PDZRN4: variants seen among roughly 807,000 people sequenced by gnomAD.
PDZRN4 encodes the protein PDZ domain-containing RING finger protein 4.
In PDZRN4, 70 loss-of-function variants were observed where a neutral mutation model predicts 99.0. The ratio of observed to expected loss-of-function variants is 0.71; its 90% CI spans 0.58 to 0.86. PDZRN4 has a LOEUF of 0.86. Ranked by LOEUF, PDZRN4 falls within the 40% of genes least tolerant of loss-of-function variation. The probability of loss-of-function intolerance (pLI) is 0.00; values close to 1 mark genes in which losing one functional copy is unlikely to be tolerated. For synonymous variants in PDZRN4, 551 were observed against 501.6 expected (o/e 1.10, Z -1.32); for missense variants, 1,474 against 1,331.2 (o/e 1.11, Z -1.67).
In PDZRN4 at chr12:41,288,118, C is replaced by T. The variant is rs145462244; in HGVS notation, c.843+93930C>T. 1.3e-4 allele frequency among the ~76,000 whole-genome samples: 20 copies of T among 152,230 alleles called. No homozygotes were observed. In the East Asian group the frequency reaches 3.5e-3, roughly 26 times the overall value. On this transcript the variant is annotated intron_variant, in intron 3 of 9. Transcript: ENST00000402685. ...TATGCATTTTTTCATAATTTATCAG[C>T]ATTATGATGGCACAAAAAAGGCAGT...
At chr12:41,433,923 T>TA (rs1952606016) in intron 3 of PDZRN4, among the ~76,000 whole-genome samples, 1 of 152,130 alleles carries the variant, frequency 6.6e-6, no homozygotes. Flanking sequence ...GTTTAATGAA[T>TA]AGTAATGTGA....
chr12:41,346,918 C>A (rs985141855), intron 3 of PDZRN4, among the ~76,000 whole-genome samples: 17 of 152,174 alleles, frequency 1.1e-4, no homozygotes, highest in African/African-American at 3.9e-4. Context: ...TTGTTTGTGT[C>A]TGTTTTCTTT....
chr12:41,273,662 T>G (rs1014661582), intron 3 of PDZRN4, among the ~76,000 whole-genome samples: 11 of 151,992 alleles, frequency 7.2e-5, no homozygotes, highest in African/African-American at 2.7e-4. Flanking sequence ...GTATATTCAG[T>G]CAGAAATTAG....
intron 3 of PDZRN4, among the ~76,000 whole-genome samples, chr12:41,485,986 A>T (rs1435263059): frequency 6.6e-6 from 1 of 152,208 alleles, no homozygotes; most frequent in Non-Finnish European, 1.5e-5. Context: ...GAAAGGTGAC[A>T]GTAGCTTTTC....
At chr12:41,494,633 A>G (rs978445058) in intron 3 of PDZRN4, among the ~76,000 whole-genome samples, 12 of 152,228 alleles carry the variant, frequency 7.9e-5, no homozygotes, top group African/African-American at 2.9e-4. Context: ...TTAATATAGA[A>G]CAAAATATTT....
intron 3 of PDZRN4, among the ~76,000 whole-genome samples, chr12:41,364,805 G>A (rs1951986163): frequency 6.6e-6 from 1 of 152,056 alleles, no homozygotes; most frequent in Admixed American, 6.6e-5. Flanking sequence ...CTGGTGGATG[G>A]CAAGTAGCAG....
chr12:41,532,390 A>C (rs1295623884), intron 5 of PDZRN4, among the ~76,000 whole-genome samples: 1 of 152,122 alleles, frequency 6.6e-6, no homozygotes, highest in Non-Finnish European at 1.5e-5. Flanking sequence ...TATCTTCATT[A>C]TTCTTTGTCG....
At chr12:41,216,084 G>C (rs1042755436) in intron 3 of PDZRN4, among the ~76,000 whole-genome samples, 1 of 151,830 alleles carries the variant, frequency 6.6e-6, no homozygotes, top group Non-Finnish European at 1.5e-5. Flanking sequence ...AGTGATACTA[G>C]TTAGCAAATT....
chr12:41,397,379 C>G (rs1952255557), intron 3 of PDZRN4, among the ~76,000 whole-genome samples: 2 of 152,116 alleles, frequency 1.3e-5, no homozygotes, highest in Admixed American at 1.3e-4. Context: ...TTGCCCTGTG[C>G]TTGTAAATGA....
chr12:41,494,890 A>G (rs1000291120), intron 3 of PDZRN4, among the ~76,000 whole-genome samples: 2 of 152,104 alleles, frequency 1.3e-5, no homozygotes, highest in Non-Finnish European at 2.9e-5. Flanking sequence ...TGCTTGTTCA[A>G]ATTTTGTCCT....
chr12:41,396,650 G>C (rs966295187), intron 3 of PDZRN4, among the ~76,000 whole-genome samples: 1 of 152,094 alleles, frequency 6.6e-6, no homozygotes, highest in Non-Finnish European at 1.5e-5. Context: ...TCAGAAAGCT[G>C]AACTGAGGGA....
In PDZRN4 at chr12:41,369,273, G is replaced by T. The variant is rs145777571; in HGVS notation, c.844-137183G>T. On this transcript the variant is annotated intron_variant, in intron 3 of 9. Coordinates refer to ENST00000402685, the MANE Select transcript of PDZRN4 (RefSeq NM_001164595.2). ...TGTCTGTTTTCAGTTTCTCAGAATG[G>T]TATGATAAAATCTTACAGTACAATT... is the stretch of plus-strand genomic sequence containing the variant. 3.1e-3 allele frequency among the ~76,000 whole-genome samples: 469 copies of T among 152,038 alleles called. 3 individuals are homozygous for T. The highest frequency in any genetic ancestry group is 0.011 in the African/African-American group (446 of 41,518).
chr12:41,220,988 G>A (rs1950951805), intron 3 of PDZRN4, among the ~76,000 whole-genome samples: 1 of 152,180 alleles, frequency 6.6e-6, no homozygotes, highest in Non-Finnish European at 1.5e-5. Flanking sequence ...TGGACATAGA[G>A]GTGGGACCAT....
intron 3 of PDZRN4, among the ~76,000 whole-genome samples, chr12:41,379,980 C>T (rs2121099539): frequency 6.6e-6 from 1 of 152,118 alleles, no homozygotes; most frequent in East Asian, 1.9e-4. Flanking sequence ...ATTTATGTCT[C>T]CTTTCAGTTC....
chr12:41,260,349 G>T (rs73120950), intron 3 of PDZRN4, among the ~76,000 whole-genome samples: 11 of 152,010 alleles, frequency 7.2e-5, no homozygotes, highest in African/African-American at 2.7e-4. Flanking sequence ...TAAACAAAGG[G>T]TATGAGAAGT....
intron 5 of PDZRN4, among the ~76,000 whole-genome samples, chr12:41,525,695 TGAA>T (rs1326494289): frequency 6.6e-6 from 1 of 152,054 alleles, no homozygotes; most frequent in Non-Finnish European, 1.5e-5. Flanking sequence ...AGAATATTTA[TGAA>T]GAAAGGAAAA....
At chr12:41,241,971 T>C (rs1227780598) in intron 3 of PDZRN4, among the ~76,000 whole-genome samples, 1 of 152,166 alleles carries the variant, frequency 6.6e-6, no homozygotes, top group African/African-American at 2.4e-5. Flanking sequence ...AACAGCTATG[T>C]TTCACTCTTG....
At chr12:41,552,816 C>T (rs1317049858) in intron 6 of PDZRN4, 62 bp downstream of exon 6, 1 of 1,297,064 alleles carries the variant, frequency 7.7e-7, no homozygotes, top group Non-Finnish European at 1.1e-6. Context: ...AGCGAAATGA[C>T]TCACAATGAG....
chr12:41,506,628 C>T lies in PDZRN4; in HGVS notation c.1016C>T (p.Thr339Ile), dbSNP rs1333589946. 6.2e-6 allele frequency: 10 copies of T among 1,613,914 alleles called. No individual in the cohort carries two copies. Among genetic ancestry groups the T allele is most frequent in the Non-Finnish European group, 8.5e-6 (10 of 1,179,850 alleles). The change falls in exon 4 of 10, where the codon ACC becomes ATC. Residue 339 changes from threonine (T) to isoleucine (I), a missense_variant. Transcript: ENST00000402685. ...AATGCCAGCACTCAGACGGACATCA[C>T]CTTCGAACACATCATGGCTCTGGCC... ...LMNASTQTDI[T>I]FEHIMALAKL...
Sources: allele counts gnomAD v4.1 joint callset (sites outside exome capture counted in the v4.1 genomes callset), GRCh38; gene constraint gnomAD v4.1.1; transcripts MANE v1.5; gene names NCBI Gene and HGNC (gene_info 2026-07-23, HGNC 2026-07-21).